UTP18: variants seen among roughly 807,000 people sequenced by gnomAD.
UTP18 encodes the protein U3 small nucleolar RNA-associated protein 18 homolog.
A neutral mutation model predicts 61.1 loss-of-function variants in UTP18; 36 were observed. The observed-to-expected ratio is 0.59, with a 90% CI of 0.45 to 0.78. UTP18 has a LOEUF of 0.78. Among genes scored for constraint, UTP18 ranks in the 30% least tolerant of loss-of-function variants. UTP18 has a pLI of 0.00. For missense variants in UTP18, 753 were observed against 693.9 expected (o/e 1.09, Z -0.96); for synonymous variants, 282 against 251.1 (o/e 1.12, Z -1.16).
chr17:51,260,559 G>T lies in UTP18; in HGVS notation c.-26G>T, dbSNP rs776083391. 10 of 1,598,784 alleles carry T rather than the reference G, an allele frequency of 6.3e-6. No individual in the cohort carries two copies. The South Asian group carries it at 1.0e-4, about 16-fold the overall frequency. On this transcript the variant is annotated 5_prime_UTR_variant, in exon 1 of 14. Transcript: ENST00000225298. ...ATGCGCAGCGAGGTTCCACGTGAGCGCCTGCGTTTCTCCTCAAACCTAACG... is the reference window on the plus strand; with the variant it reads ...ATGCGCAGCGAGGTTCCACGTGAGCTCCTGCGTTTCTCCTCAAACCTAACG...
chr17:51,277,972 G>A (rs537235406), intron 7 of UTP18, among the ~76,000 whole-genome samples: 65 of 152,236 alleles, frequency 4.3e-4, no homozygotes, highest in African/African-American at 1.5e-3. Context: ...CGTATGGCAC[G>A]GCTCACTGGT....
intron 9 of UTP18, 27 bp downstream of exon 9, chr17:51,280,506 A>C: frequency 6.2e-7 from 1 of 1,610,482 alleles, no homozygotes; most frequent in Non-Finnish European, 8.5e-7. Flanking sequence ...AAAGAAGCTA[A>C]GGATATTTTT....
intron 11 of UTP18, among the ~76,000 whole-genome samples, chr17:51,292,983 A>G (rs548502918): frequency 4.8e-4 from 73 of 152,326 alleles, no homozygotes; most frequent in African/African-American, 1.7e-3. Context: ...CAAAATGGCA[A>G]TTTTATGATA....
chr17:51,291,236 A>T (rs1163861615), intron 11 of UTP18, among the ~76,000 whole-genome samples: 1 of 152,152 alleles, frequency 6.6e-6, no homozygotes, highest in African/African-American at 2.4e-5. Context: ...TAATAGTTCA[A>T]TTATACCTTT....
chr17:51,282,180 G>A (rs1393602903), intron 9 of UTP18, among the ~76,000 whole-genome samples: 1 of 152,224 alleles, frequency 6.6e-6, no homozygotes, highest in Non-Finnish European at 1.5e-5. Flanking sequence ...GTGGGTAGTA[G>A]TCAGCAACCT....
At chr17:51,261,163 G>C (rs767425346) in intron 1 of UTP18, among the ~76,000 whole-genome samples, 3 of 152,252 alleles carry the variant, frequency 2.0e-5, no homozygotes, top group East Asian at 1.9e-4. Context: ...AGGCGCCGCT[G>C]CTCGGGTATC....
chr17:51,273,950 T>TA (rs1252383066), intron 5 of UTP18, among the ~76,000 whole-genome samples: 2 of 152,156 alleles, frequency 1.3e-5, no homozygotes, highest in Non-Finnish European at 2.9e-5. Flanking sequence ...AGGGATCTTT[T>TA]AAAAATAAAA....
intron 2 of UTP18, among the ~76,000 whole-genome samples, chr17:51,265,359 G>A (rs530351451): frequency 1.3e-5 from 2 of 151,594 alleles, no homozygotes; most frequent in South Asian, 4.2e-4. Flanking sequence ...TGCTTCCCAG[G>A]TTCAAGTGAT....
chr17:51,271,919 C>T (rs1165067069), intron 4 of UTP18, among the ~76,000 whole-genome samples: 2 of 152,230 alleles, frequency 1.3e-5, no homozygotes, highest in African/African-American at 4.8e-5. Flanking sequence ...CCACTTGCCT[C>T]GGCCTCCCAA....
intron 7 of UTP18, among the ~76,000 whole-genome samples, chr17:51,279,159 T>G (rs541423003): frequency 6.6e-6 from 1 of 152,338 alleles, no homozygotes; most frequent in South Asian, 2.1e-4. Flanking sequence ...AAATCTACTA[T>G]GTAGAAATGA....
At chr17:51,281,858 AAG>A (rs1904938866) in intron 9 of UTP18, among the ~76,000 whole-genome samples, 1 of 152,268 alleles carries the variant, frequency 6.6e-6, no homozygotes, top group African/African-American at 2.4e-5. Flanking sequence ...TATTTAAAAA[AAG>A]ATGATTCATT....
At chr17:51,278,020 A>T (rs1904788803) in intron 7 of UTP18, among the ~76,000 whole-genome samples, 1 of 152,222 alleles carries the variant, frequency 6.6e-6, no homozygotes, top group African/African-American at 2.4e-5. Context: ...GTGGCTGGAA[A>T]GGACAAGAGT....
intron 10 of UTP18, among the ~76,000 whole-genome samples, chr17:51,285,902 A>C (rs1342090455): frequency 6.6e-6 from 1 of 152,218 alleles, no homozygotes; most frequent in Non-Finnish European, 1.5e-5. Flanking sequence ...CCTTTTTAGC[A>C]AAGAAAATGC....
At chr17:51,266,387 G>T in intron 3 of UTP18, 107 bp downstream of exon 3, 1 of 713,694 alleles carries the variant, frequency 1.4e-6, no homozygotes. Context: ...ACAGTAAGAG[G>T]ATTGCTATTG....
chr17:51,278,127 CTT>C (rs1255645285), intron 7 of UTP18, among the ~76,000 whole-genome samples: 1 of 152,212 alleles, frequency 6.6e-6, no homozygotes, highest in African/African-American at 2.4e-5. Context: ...CCAATCTTTT[CTT>C]TCCTGTGTTC....
At chr17:51,276,104 C>T in intron 6 of UTP18, 113 bp downstream of exon 6, 1 of 1,105,428 alleles carries the variant, frequency 9.0e-7, no homozygotes, top group Non-Finnish European at 1.2e-6. Flanking sequence ...GCTAAAACAT[C>T]ATAGCCCGAA....
intron 5 of UTP18, among the ~76,000 whole-genome samples, chr17:51,275,123 A>G (rs1018978735): frequency 6.6e-6 from 1 of 151,614 alleles, no homozygotes; most frequent in Non-Finnish European, 1.5e-5. Flanking sequence ...CTTGAACCCA[A>G]CAGGCAGAGG....
At chr17:51,277,377 C>CT in intron 7 of UTP18, 73 bp downstream of exon 7, 3 of 1,484,552 alleles carry the variant, frequency 2.0e-6, no homozygotes, top group Non-Finnish European at 2.8e-6. Context: ...GTTTACAACA[C>CT]TTTTTTCACT....
intron 12 of UTP18, among the ~76,000 whole-genome samples, chr17:51,295,881 G>C (rs1905357390): frequency 1.3e-5 from 2 of 152,138 alleles, no homozygotes; most frequent in African/African-American, 4.8e-5. Flanking sequence ...ACTATTTTGA[G>C]AATGTCAAAT....
Sources: allele counts gnomAD v4.1 joint callset (sites outside exome capture counted in the v4.1 genomes callset), GRCh38; gene constraint gnomAD v4.1.1; transcripts MANE v1.5; gene names NCBI Gene and HGNC (gene_info 2026-07-23, HGNC 2026-07-21).